Variants in SNX29 observed in about 807,000 individuals in gnomAD.
The protein encoded by SNX29 is sorting nexin 29.
Under a neutral mutation model 102.1 loss-of-function variants are expected in SNX29, and 78 were observed. The ratio of observed to expected loss-of-function variants is 0.76; its 90% confidence interval spans 0.64 to 0.92. SNX29 has a LOEUF of 0.92. Ranked by LOEUF, SNX29 falls within the 40% of genes least tolerant of loss-of-function variation. The pLI, the probability that SNX29 is intolerant of heterozygous loss-of-function variation, is 0.00. For missense variants in SNX29, 1,280 were observed against 1,061.7 expected (o/e 1.21, Z -2.86); for synonymous variants, 580 against 414.5 (o/e 1.40, Z -4.85).
At chr16:12,506,443 G>A (rs534371006) in intron 19 of SNX29, among the ~76,000 whole-genome samples, 2 of 152,324 alleles carry the variant, frequency 1.3e-5, no homozygotes, top group South Asian at 2.1e-4. Context: ...TCCTGACAAG[G>A]CCATGAAGGG....
intron 20 of SNX29, among the ~76,000 whole-genome samples, chr16:12,532,530 C>CTT: frequency 6.6e-6 from 1 of 152,318 alleles, no homozygotes; most frequent in Admixed American, 6.5e-5. Flanking sequence ...TTAAGAATAA[C>CTT]TTATGATTTG....
intron 6 of SNX29, among the ~76,000 whole-genome samples, chr16:12,047,924 C>T (rs1046455069): frequency 7.9e-5 from 12 of 152,030 alleles, no homozygotes; most frequent in East Asian, 1.9e-4. Context: ...TCCAAAGTGC[C>T]GGGATTACAG....
chr16:12,296,903 C>T (rs35035585), intron 15 of SNX29, among the ~76,000 whole-genome samples: 3,740 of 152,302 alleles, frequency 0.025, 177 homozygotes, highest in South Asian at 0.22. Flanking sequence ...CATTTTGGAC[C>T]ACATAATCGT....
At position 12,572,132 on chromosome 16, in the gene SNX29, A is replaced by AT; in HGVS notation, c.*3504dup. The AT allele has an allele frequency of 9.8e-7, 1 of 1,019,368 alleles. No homozygotes were observed. Among genetic ancestry groups the AT allele is most frequent in the Non-Finnish European group, 1.2e-6 (1 of 837,854 alleles). The allele number at this position is 1,019,368 out of a possible 1,614,324, so 63.1% of individuals were successfully genotyped here. A position where few individuals can be genotyped will look rare whatever the true frequency, so the allele number is the denominator to read the frequency against. ...TGATCACAGCCCTTGGCCCTGCTTC[A>AT]TACTTTGGAGCTTATTAAGATCAAT... is the stretch of plus-strand genomic sequence containing the variant. On this transcript the variant is annotated 3_prime_UTR_variant, in exon 21 of 21. Coordinates refer to ENST00000566228, the MANE Select transcript of SNX29 (RefSeq NM_032167.5).
intron 16 of SNX29, among the ~76,000 whole-genome samples, chr16:12,384,342 G>A (rs1039331858): frequency 6.6e-6 from 1 of 152,180 alleles, no homozygotes; most frequent in South Asian, 2.1e-4. Flanking sequence ...CATCAACAGT[G>A]TACAAGGCTT....
intron 20 of SNX29, among the ~76,000 whole-genome samples, chr16:12,548,507 G>A (rs1039622843): frequency 3.9e-5 from 6 of 152,186 alleles, no homozygotes; most frequent in Admixed American, 1.3e-4. Flanking sequence ...TGTCTTGTCT[G>A]GACCAGATGC....
chr16:12,367,238 T>G (rs1276544138), intron 16 of SNX29: 1 of 152,336 alleles, frequency 6.6e-6, no homozygotes, highest in African/African-American at 2.4e-5. Context: ...AGACAGAGAC[T>G]GTTGTCTTCA....
chr16:12,492,595 A>G (rs1170884809), intron 19 of SNX29, among the ~76,000 whole-genome samples: 1 of 152,174 alleles, frequency 6.6e-6, no homozygotes, highest in Non-Finnish European at 1.5e-5. Flanking sequence ...TTAGACATGA[A>G]GTCCTTGCCC....
intron 16 of SNX29, among the ~76,000 whole-genome samples, chr16:12,363,170 C>T (rs1333682340): frequency 6.6e-6 from 1 of 152,200 alleles, no homozygotes; most frequent in Non-Finnish European, 1.5e-5. Context: ...CCATTTGGAC[C>T]GGGTCCCCAG....
intron 15 of SNX29, among the ~76,000 whole-genome samples, chr16:12,315,599 A>C (rs2151153081): frequency 6.6e-6 from 1 of 152,294 alleles, no homozygotes; most frequent in African/African-American, 2.4e-5. Flanking sequence ...CAGTGTAAAG[A>C]CACCACAAAA....
At position 12,572,645 on chromosome 16, in the gene SNX29, C is replaced by G. The variant is rs183344441; in HGVS notation, c.*4016C>G. ...CAGAATCCATCCTTCATTCCTCCAC[C>G]AAGCTCCTGTGTGAGCTGCAGCACC... On this transcript the variant is annotated 3_prime_UTR_variant, in exon 21 of 21. Transcript: ENST00000566228. 6.6e-6 allele frequency: 7 copies of G among 1,063,708 alleles called. No individual in the cohort carries two copies. The highest frequency in any genetic ancestry group is 5.4e-5 in the Admixed American group (1 of 18,654). 65.9% of individuals were successfully genotyped at this position (1,063,708 alleles called of 1,614,324 possible).
chr16:12,068,124 G>C lies in SNX29; in HGVS notation c.1244-933G>C, dbSNP rs138567403. 5.9e-3 allele frequency among the ~76,000 whole-genome samples: 898 copies of C among 152,158 alleles called. 7 individuals are homozygous for C. Among genetic ancestry groups the C allele is most frequent in the African/African-American group, 0.021 (863 of 41,506 alleles). On this transcript the variant is annotated intron_variant, in intron 9 of 20. Coordinates refer to ENST00000566228, the MANE Select transcript of SNX29 (RefSeq NM_032167.5). ...AACAGCAAGCTGATTCATTATACCC[G>C]GTTTCTGGCCCTGGTTCTGAATATG...
At chr16:12,181,646 C>A (rs1040793251) in intron 13 of SNX29, among the ~76,000 whole-genome samples, 2 of 150,568 alleles carry the variant, frequency 1.3e-5, no homozygotes, top group African/African-American at 4.9e-5. Context: ...TGGTGATTTG[C>A]GGGGAGGGGG....
In SNX29 at chr16:12,382,664, A is replaced by G. The variant is rs539816318; in HGVS notation, c.1900-15782A>G. 2.0e-5 allele frequency among the ~76,000 whole-genome samples: 3 copies of G among 152,348 alleles called. No individual in the cohort carries two copies. The South Asian group carries it at 6.2e-4, about 32-fold the overall frequency. On this transcript the variant is annotated intron_variant, in intron 16 of 20. Transcript: ENST00000566228. Reference sequence around the variant, plus strand: ...AAACAACATACGTTTATTTGCTCGCAGTTCTGGAGGCCAGAGTCGGCAATC... The same window carrying G: ...AAACAACATACGTTTATTTGCTCGCGGTTCTGGAGGCCAGAGTCGGCAATC...
At chr16:12,526,165 C>T (rs568130414) in intron 20 of SNX29, among the ~76,000 whole-genome samples, 2 of 152,288 alleles carry the variant, frequency 1.3e-5, no homozygotes, top group African/African-American at 4.8e-5. Context: ...GTATGAAATG[C>T]TGGGGTAATA....
intron 17 of SNX29, among the ~76,000 whole-genome samples, chr16:12,403,030 A>G (rs1158446204): frequency 3.9e-5 from 6 of 152,188 alleles, no homozygotes; most frequent in Admixed American, 3.3e-4. Context: ...TGGGTGCTCC[A>G]GAAACGCTGG....
intron 15 of SNX29, among the ~76,000 whole-genome samples, chr16:12,322,965 A>T (rs2080994426): frequency 2.9e-5 from 3 of 103,840 alleles, no homozygotes; most frequent in Admixed American, 8.9e-5. Context: ...ACCGGGGACC[A>T]CTGTCAGGAT....
At chr16:12,539,572 C>T (rs752766016) in intron 20 of SNX29, among the ~76,000 whole-genome samples, 1 of 152,132 alleles carries the variant, frequency 6.6e-6, no homozygotes, top group Non-Finnish European at 1.5e-5. Flanking sequence ...TTTGTGTGAA[C>T]AAAAGTTTTC....
At chr16:12,553,153 C>CA (rs2078095642) in intron 20 of SNX29, among the ~76,000 whole-genome samples, 1 of 152,196 alleles carries the variant, frequency 6.6e-6, no homozygotes, top group Non-Finnish European at 1.5e-5. Context: ...CTCTGGGGTC[C>CA]TTCCTGGGAT....
Sources: allele counts gnomAD v4.1 joint callset (sites outside exome capture counted in the v4.1 genomes callset), GRCh38; gene constraint gnomAD v4.1.1; transcripts MANE v1.5; gene names NCBI Gene and HGNC (gene_info 2026-07-23, HGNC 2026-07-21).